The following DYNC1H1 variants were observed in gnomAD, a reference collection of about 807,000 sequenced individuals.
DYNC1H1 encodes the protein dynein cytoplasmic 1 heavy chain 1.
A neutral mutation model predicts 527.1 loss-of-function variants in DYNC1H1; 51 were observed. That is an observed-to-expected ratio of 0.10 (90% CI 0.08 to 0.12). The LOEUF is 0.12. DYNC1H1 is among the 10% of genes least tolerant of loss of function. The pLI, the probability that DYNC1H1 is intolerant of heterozygous loss-of-function variation, is 1.00. For missense variants in DYNC1H1, 2,771 were observed against 5,971.8 expected, an observed-to-expected ratio of 0.46 and a Z score of 17.66; for synonymous variants, 2,189 against 2,278.8, an observed-to-expected ratio of 0.96 and a Z score of 1.12.
chr14:102,009,633 A>C (rs2048236056), intron 29 of DYNC1H1: 1 of 653,192 alleles, frequency 1.5e-6, no homozygotes, highest in African/African-American at 1.8e-5. Flanking sequence ...GGACACGTGC[A>C]CATGAGGTAC....
chr14:101,970,467 G>GTTTTT (rs1369451236), intron 1 of DYNC1H1, among the ~76,000 whole-genome samples: 12 of 103,542 alleles, frequency 1.2e-4, no homozygotes, highest in Non-Finnish European at 2.0e-4. Context: ...TGTTTGGTTT[G>GTTTTT]TTGTTGTTTT....
At position 101,987,307 on chromosome 14, in the gene DYNC1H1, T is replaced by A. The variant is rs899334211; in HGVS notation, c.2539-146T>A. On this transcript the variant is annotated intron_variant, in intron 8 of 77. Transcript: ENST00000360184. The stretch of plus-strand genomic sequence containing the variant: ...GACATGCGAGTGGGGATTAGTGTTC[T>A]CACCCCAGCAGCTAGGATTAGCTAC... The A allele has an allele frequency of 4.4e-6, 4 of 905,304 alleles. No individual in the cohort carries two copies. In the African/African-American group the frequency reaches 6.6e-5, roughly 15 times the overall value. The allele number at this position is 905,304 out of a possible 1,614,324, so 56.1% of individuals were successfully genotyped here. A position where few individuals can be genotyped will look rare whatever the true frequency, so the allele number is the denominator to read the frequency against.
intron 11 of DYNC1H1, among the ~76,000 whole-genome samples, chr14:101,992,230 G>A (rs771097764): frequency 8.5e-5 from 13 of 152,206 alleles, no homozygotes; most frequent in Non-Finnish European, 1.9e-4. Context: ...TGCTATTGCA[G>A]ACTCTTCCAG....
At chr14:101,998,879 C>CTTTTTTTTTTGTTTTTTTTTTTTTTT (rs1470140199) in intron 16 of DYNC1H1, among the ~76,000 whole-genome samples, 7 of 115,218 alleles carry the variant, frequency 6.1e-5, no homozygotes, top group African/African-American at 2.6e-4. Flanking sequence ...AAAACTTTTT[C>CTTTTTTTTTTGTTTTTTTTTTTTTTT]TTTTTTTTTT....
In DYNC1H1 at chr14:101,984,421, GTGTGTGTGTGTATATATA is replaced by G. The variant is rs1411526382; in HGVS notation, c.1461+814_1461+831del. Among the ~76,000 whole-genome samples the G allele has an allele frequency of 4.2e-3, 546 of 128,882 alleles. 11 individuals are homozygous for G. Among genetic ancestry groups the G allele is most frequent in the East Asian group, 0.031 (149 of 4,836 alleles). The allele number at this position is 128,882 out of a possible 152,430, so 84.6% of individuals were successfully genotyped here. A position where few individuals can be genotyped will look rare whatever the true frequency, so the allele number is the denominator to read the frequency against. On this transcript the variant is annotated intron_variant, in intron 7 of 77. Transcript: ENST00000360184. Reference sequence around the variant, plus strand: ...TATATATGTGTGTGTGTGTGTGTGTGTGTGTGTGTGTATATATATATATATTATATTTTTTTTTTTTTT... The same window carrying G: ...TATATATGTGTGTGTGTGTGTGTGTGTATATATTATATTTTTTTTTTTTTT...
At position 102,033,039 on chromosome 14, in the gene DYNC1H1, T is replaced by C. The variant is rs201664105; in HGVS notation, c.10080-26T>C. 1 of 1,604,940 alleles carries C rather than the reference T, an allele frequency of 6.2e-7. No individual in the cohort carries two copies. On this transcript the variant is annotated intron_variant, in intron 52 of 77. Transcript: ENST00000360184. This position sits in a 1 kb window ranked among gnomAD's most constrained non-coding sequence, Gnocchi z 5.6. ...TTCCTTGCTTTTGTCCTGCATGTGT[T>C]TAGAAATATCATTCGTCTTTTACAG...
At chr14:101,977,666 T>TAA (rs2047817211) in intron 2 of DYNC1H1, among the ~76,000 whole-genome samples, 1 of 152,228 alleles carries the variant, frequency 6.6e-6, no homozygotes, top group East Asian at 1.9e-4. Context: ...CTTGTCACTC[T>TAA]AAATTCCTTT....
In DYNC1H1 at chr14:101,970,470, G is replaced by GTTTTTTTTTTTTTTTTTTTTTTTTTTT. The variant is rs1324948272; in HGVS notation, c.257-5240_257-5239insTTTTTTTTTTTTTTTTTTTTTTTTTTT. 4.2e-5 allele frequency among the ~76,000 whole-genome samples: 4 copies of GTTTTTTTTTTTTTTTTTTTTTTTTTTT among 96,276 alleles called. 1 individual carries two copies. The highest frequency in any genetic ancestry group is 1.4e-4 in the African/African-American group (3 of 21,026). 63.2% of individuals were successfully genotyped at this position (96,276 alleles called of 152,430 possible). ...GTGGTATTAGTATGTTTGGTTTGTTGTTGTTTTTTTTTTTTTTTTTTTTTT... is the reference window on the plus strand; with the variant it reads ...GTGGTATTAGTATGTTTGGTTTGTTGTTTTTTTTTTTTTTTTTTTTTTTTTTTTTGTTTTTTTTTTTTTTTTTTTTTT... On this transcript the variant is annotated intron_variant, in intron 1 of 77. Transcript: ENST00000360184.
chr14:102,021,630 A>ACAG (rs1367032212), intron 42 of DYNC1H1, among the ~76,000 whole-genome samples: 5 of 146,814 alleles, frequency 3.4e-5, no homozygotes, highest in Non-Finnish European at 7.5e-5. Flanking sequence ...TACACACATC[A>ACAG]CAGTTCCCAT....
Position 102,050,767 on chromosome 14 carries a change from T to C in DYNC1H1, c.*204T>C, listed in dbSNP as rs2048798557. 2.8e-6 allele frequency: 2 copies of C among 713,024 alleles called. No individual in the cohort carries two copies. Among genetic ancestry groups the C allele is most frequent in the Non-Finnish European group, 4.6e-6 (2 of 433,286 alleles). The allele number at this position is 713,024 out of a possible 1,614,324, so 44.2% of individuals were successfully genotyped here. A position where few individuals can be genotyped will look rare whatever the true frequency, so the allele number is the denominator to read the frequency against. ...TGGGAAGGCCAATGGCGTGGCTCCT[T>C]TGAGGAAATAAAACACTAAGCATGA... On this transcript the variant is annotated 3_prime_UTR_variant, in exon 78 of 78. Coordinates refer to ENST00000360184, the MANE Select transcript of DYNC1H1 (RefSeq NM_001376.5).
At chr14:101,966,740 T>A (rs1377327322) in intron 1 of DYNC1H1, among the ~76,000 whole-genome samples, 4 of 152,172 alleles carry the variant, frequency 2.6e-5, no homozygotes, top group African/African-American at 7.2e-5. Flanking sequence ...TGAAAAAAAA[T>A]TTAAGTTTTA....
At chr14:102,047,130 G>A (rs886657139) in intron 72 of DYNC1H1, among the ~76,000 whole-genome samples, 1 of 152,150 alleles carries the variant, frequency 6.6e-6, no homozygotes, top group African/African-American at 2.4e-5. Flanking sequence ...AGCCACTGTG[G>A]CTGTCTTGCT....
At position 102,018,548 on chromosome 14, in the gene DYNC1H1, A is replaced by G. The variant is rs1131691452; in HGVS notation, c.8275A>G (p.Ile2759Val). 4 of 1,614,124 alleles carry G rather than the reference A, an allele frequency of 2.5e-6. No individual in the cohort carries two copies. In the Admixed American group the frequency reaches 6.7e-5, roughly 27 times the overall value. ...GTFNRAMLRL[I>V]PSLRTYAEPL... ...CTTCAACCGCGCCATGCTGAGGCTC[A>G]TTCCATCCCTGCGGACGTATGCAGA... Residue 2759 changes from isoleucine (I) to valine (V), a missense_variant, in exon 41 of 78, where the codon ATT becomes GTT. Physicochemically the swap from Ile to Val is conservative, Grantham distance 29. Coordinates refer to ENST00000360184, the MANE Select transcript of DYNC1H1 (RefSeq NM_001376.5). The surrounding 1 kb of genome is among the most constrained non-coding windows in gnomAD (Gnocchi z 5.2).
Position 102,016,302 on chromosome 14 carries a change from G to T in DYNC1H1, c.7474-47G>T. 1 of 1,610,564 alleles carries T rather than the reference G, an allele frequency of 6.2e-7. No individual in the cohort carries two copies. The highest frequency in any genetic ancestry group is 8.5e-7 in the Non-Finnish European group (1 of 1,177,892). On this transcript the variant is annotated intron_variant, in intron 36 of 77. Transcript: ENST00000360184. This position sits in a 1 kb window ranked among gnomAD's most constrained non-coding sequence, Gnocchi z 7.3. ...ACTTTGCTGTAAGTGTCTTTCTTTT[G>T]TTGTTGAAATTTTATAAAAATCAAA...
In DYNC1H1 at chr14:102,010,263, T is replaced by C. The variant is rs1425760343; in HGVS notation, c.6222-13T>C. On this transcript the variant is annotated splice_polypyrimidine_tract_variant and intron_variant, in intron 30 of 77. Coordinates refer to ENST00000360184, the MANE Select transcript of DYNC1H1 (RefSeq NM_001376.5). This position sits in a 1 kb window ranked among gnomAD's most constrained non-coding sequence, Gnocchi z 6.0. ...ACTGTTATTAAAGATAGCCTTTTTTTCTTCTTTTCTAGACTATGCGATGAG... is the reference window on the plus strand; with the variant it reads ...ACTGTTATTAAAGATAGCCTTTTTTCCTTCTTTTCTAGACTATGCGATGAG... 4 of 1,613,608 alleles carry C rather than the reference T, an allele frequency of 2.5e-6. No individual in the cohort carries two copies. Among genetic ancestry groups the C allele is most frequent in the East Asian group, 4.5e-5 (2 of 44,896 alleles).
chr14:102,035,900 T>G (rs1048546705), intron 56 of DYNC1H1: 2 of 154,186 alleles, frequency 1.3e-5, no homozygotes, highest in Non-Finnish European at 2.9e-5. Context: ...TAGTTGAGTT[T>G]TGTAAAAGCT....
chr14:102,005,307 A>T lies in DYNC1H1; in HGVS notation c.5433+71A>T. 1 of 1,594,042 alleles carries T rather than the reference A, an allele frequency of 6.3e-7. No homozygotes were observed. The highest frequency in any genetic ancestry group is 1.7e-4 in the Middle Eastern group (1 of 5,964). ...CCCTCAACCACACAGTTAAATGGAA[A>T]TCATGCTTGAAAAAGGTTTCAGGTA... On this transcript the variant is annotated intron_variant, in intron 26 of 77. Transcript: ENST00000360184. This position sits in a 1 kb window ranked among gnomAD's most constrained non-coding sequence, Gnocchi z 4.0.
chr14:101,969,452 G>C (rs969408717), intron 1 of DYNC1H1: 3 of 153,858 alleles, frequency 1.9e-5, no homozygotes, highest in African/African-American at 7.2e-5. Context: ...GTTTCTTCTA[G>C]GGCACCCAGT....
Position 102,011,002 on chromosome 14 carries a change from T to C in DYNC1H1, c.6618+50T>C. The C allele has an allele frequency of 6.3e-7, 1 of 1,598,428 alleles. No homozygotes were observed. Among genetic ancestry groups the C allele is most frequent in the Non-Finnish European group, 8.6e-7 (1 of 1,166,146 alleles). ...ACTGCCCTCACAGACCCTGCTGGCTTTAGTGTCTGGTAATGACAACCGTGG... is the reference window on the plus strand; with the variant it reads ...ACTGCCCTCACAGACCCTGCTGGCTCTAGTGTCTGGTAATGACAACCGTGG... On this transcript the variant is annotated intron_variant, in intron 32 of 77. Transcript: ENST00000360184. The surrounding 1 kb of genome is among the most constrained non-coding windows in gnomAD (Gnocchi z 5.3).
Sources: allele counts gnomAD v4.1 joint callset (sites outside exome capture counted in the v4.1 genomes callset), GRCh38; gene constraint gnomAD v4.1.1; non-coding constraint Gnocchi (gnomAD v3.1); transcripts MANE v1.5; gene names NCBI Gene and HGNC (gene_info 2026-07-23, HGNC 2026-07-21).